PRRX1: variants seen among roughly 807,000 people sequenced by gnomAD.
PRRX1 encodes the protein paired related homeobox 1.
PRRX1 carries 8 observed loss-of-function variants against 24.0 expected under a neutral mutation model. That is an observed-to-expected ratio of 0.33 (90% CI 0.20 to 0.60). PRRX1 has a LOEUF of 0.60. Among genes scored for constraint, PRRX1 ranks in the 20% least tolerant of loss-of-function variants. PRRX1 has a pLI of 0.82. For synonymous variants in PRRX1, 160 were observed against 131.7 expected (o/e 1.22, Z -1.47); for missense variants, 281 against 322.4 (o/e 0.87, Z 0.98).
chr1:170,713,020 A>T (rs879241320), intron 1 of PRRX1, among the ~76,000 whole-genome samples: 1 of 152,180 alleles, frequency 6.6e-6, no homozygotes, highest in African/African-American at 2.4e-5. Flanking sequence ...TATCAAAGAG[A>T]GGGTACTCTG....
At chr1:170,731,511 T>A (rs895711413) in intron 3 of PRRX1, among the ~76,000 whole-genome samples, 1 of 152,216 alleles carries the variant, frequency 6.6e-6, no homozygotes, top group African/African-American at 2.4e-5. Flanking sequence ...TTTGTGGGAC[T>A]TAACACTATA....
At chr1:170,678,425 C>T (rs900320642) in intron 1 of PRRX1, among the ~76,000 whole-genome samples, 1 of 152,202 alleles carries the variant, frequency 6.6e-6, no homozygotes, top group Non-Finnish European at 1.5e-5. Context: ...TATTGCAAGG[C>T]TAGTGTGCTT....
chr1:170,719,830 A>G lies in PRRX1; in HGVS notation c.346A>G (p.Thr116Ala). ...GGCTTTGGAGCGTGTCTTTGAGCGG[A>G]CACACTATCCTGATGCTTTTGTGCG... is the stretch of plus-strand genomic sequence containing the variant. Reference protein sequence around the residue: ...LQALERVFERTHYPDAFVRED... With the variant: ...LQALERVFERAHYPDAFVRED... The change falls in exon 2 of 4, where the codon ACA becomes GCA. Residue 116 changes from threonine to alanine, a missense_variant. Transcript: ENST00000239461. 6.2e-7 allele frequency: 1 copy of G among 1,614,202 alleles called. No individual in the cohort carries two copies. The highest frequency in any genetic ancestry group is 8.5e-7 in the Non-Finnish European group (1 of 1,180,036).
intron 1 of PRRX1, among the ~76,000 whole-genome samples, chr1:170,670,567 C>T (rs1368437310): frequency 6.6e-6 from 1 of 152,056 alleles, no homozygotes; most frequent in African/African-American, 2.4e-5. Context: ...TTGTCGTTGT[C>T]ATTTTTCTAA....
intron 1 of PRRX1, among the ~76,000 whole-genome samples, chr1:170,710,582 G>T (rs1654713782): frequency 6.6e-6 from 1 of 152,176 alleles, no homozygotes; most frequent in African/African-American, 2.4e-5. Context: ...TAAAGCAGTT[G>T]TCATGGACTG....
intron 1 of PRRX1, among the ~76,000 whole-genome samples, chr1:170,704,121 T>A (rs1654485125): frequency 6.6e-6 from 1 of 152,274 alleles, no homozygotes; most frequent in Non-Finnish European, 1.5e-5. Flanking sequence ...TGCTTAGTTT[T>A]GTTAAAATTT....
intron 1 of PRRX1, among the ~76,000 whole-genome samples, chr1:170,703,391 G>A (rs2101905903): frequency 6.6e-6 from 1 of 152,144 alleles, no homozygotes; most frequent in South Asian, 2.1e-4. Context: ...AATACAAAAT[G>A]GTCCATGCAG....
In PRRX1 at chr1:170,738,159, TA is replaced by T. The variant is rs1655683802; in HGVS notation, c.*1979del. The T allele has an allele frequency of 9.1e-6, 2 of 220,518 alleles. No individual in the cohort carries two copies. Among genetic ancestry groups the T allele is most frequent in the South Asian group, 3.7e-4 (2 of 5,444 alleles). The allele number at this position is 220,518 out of a possible 1,614,324, so 13.7% of individuals were successfully genotyped here. A position where few individuals can be genotyped will look rare whatever the true frequency, so the allele number is the denominator to read the frequency against. On this transcript the variant is annotated 3_prime_UTR_variant, in exon 4 of 4. Coordinates refer to ENST00000239461, the MANE Select transcript of PRRX1 (RefSeq NM_022716.4). Reference sequence around the variant, plus strand: ...CTAATAATTTTTAGTTGTGAGTGATTAAAAAACTTTGGATCAATTTTGGTCA... The same window carrying T: ...CTAATAATTTTTAGTTGTGAGTGATTAAAAACTTTGGATCAATTTTGGTCA...
intron 1 of PRRX1, among the ~76,000 whole-genome samples, chr1:170,717,366 T>G (rs763943601): frequency 1.3e-5 from 2 of 152,246 alleles, no homozygotes; most frequent in African/African-American, 2.4e-5. Flanking sequence ...GTTGTAATAC[T>G]AAGAACAAAA....
intron 1 of PRRX1, among the ~76,000 whole-genome samples, chr1:170,693,777 G>A (rs1654069436): frequency 6.6e-6 from 1 of 152,032 alleles, no homozygotes. Context: ...TTTACAAGAG[G>A]AGACACAAGA....
intron 3 of PRRX1, chr1:170,730,423 T>TG (rs1035808459): frequency 7.7e-7 from 1 of 1,298,212 alleles, no homozygotes; most frequent in Non-Finnish European, 1.1e-6. Context: ...TTTAAGAAAG[T>TG]GGGGGTTGCA....
At chr1:170,734,947 G>A (rs913210816) in intron 3 of PRRX1, among the ~76,000 whole-genome samples, 2 of 151,998 alleles carry the variant, frequency 1.3e-5, no homozygotes, top group African/African-American at 4.8e-5. Context: ...AGTCTTATGT[G>A]GCTGACAAAA....
At chr1:170,673,009 C>T (rs906094663) in intron 1 of PRRX1, among the ~76,000 whole-genome samples, 13 of 152,148 alleles carry the variant, frequency 8.5e-5, no homozygotes, top group African/African-American at 3.1e-4. Flanking sequence ...CCTCAGAAAA[C>T]AAGAGGACCG....
chr1:170,663,862 G>T (rs1652810861), upstream of PRRX1: 1 of 233,850 alleles, frequency 4.3e-6, no homozygotes, highest in Admixed American at 5.1e-5. Flanking sequence ...CACTTTTGGA[G>T]AGTTGGAAGG....
Position 170,737,387 on chromosome 1 carries a change from TA to T in PRRX1, c.*1204del, listed in dbSNP as rs1323870454. 10 of 193,096 alleles carry T rather than the reference TA, an allele frequency of 5.2e-5. No individual in the cohort carries two copies. 12.0% of individuals were successfully genotyped at this position (193,096 alleles called of 1,614,324 possible). A position where few individuals can be genotyped will look rare whatever the true frequency, so the allele number is the denominator to read the frequency against. ...AGGTCCCATTTTCACATTAGGGCTT[TA>T]AATGAATTAGAAACTATTTGAGGCT... On this transcript the variant is annotated 3_prime_UTR_variant, in exon 4 of 4. Transcript: ENST00000239461.
chr1:170,730,071 T>C (rs1267088821), intron 3 of PRRX1: 2 of 643,802 alleles, frequency 3.1e-6, no homozygotes, highest in Non-Finnish European at 5.7e-6. Context: ...TGGCCTGGTT[T>C]TGCATTATTT....
At chr1:170,709,546 C>T (rs1304986155) in intron 1 of PRRX1, among the ~76,000 whole-genome samples, 1 of 152,146 alleles carries the variant, frequency 6.6e-6, no homozygotes, top group Non-Finnish European at 1.5e-5. Context: ...CTGGCCCGTT[C>T]CTGGCTCTGA....
intron 3 of PRRX1, chr1:170,727,326 T>C (rs1030372976): frequency 2.0e-5 from 3 of 152,194 alleles, no homozygotes; most frequent in Non-Finnish European, 4.4e-5. Context: ...TGGATTAGTC[T>C]AGAGTGACTT....
chr1:170,686,414 T>A (rs1337419566), intron 1 of PRRX1, among the ~76,000 whole-genome samples: 1 of 152,176 alleles, frequency 6.6e-6, no homozygotes, highest in African/African-American at 2.4e-5. Flanking sequence ...GAATAGAATT[T>A]CTTGTTCCAA....
Sources: gnomAD v4.1 joint callset for allele counts (sites outside exome capture counted in the v4.1 genomes callset) on GRCh38, gnomAD v4.1.1 for gene constraint, MANE v1.5 for transcripts, NCBI Gene and HGNC (gene_info 2026-07-23, HGNC 2026-07-21) for gene names.